Variants in PAG1 observed in about 807,000 individuals in gnomAD.
PAG1 encodes the protein phosphoprotein membrane anchor with glycosphingolipid microdomains 1.
In PAG1, 23 loss-of-function variants were observed where a neutral mutation model predicts 31.7. The ratio of observed to expected loss-of-function variants is 0.73; its 90% CI spans 0.52 to 1.03. PAG1 has a LOEUF of 1.03. Among genes scored for constraint, PAG1 ranks in the 50% least tolerant of loss-of-function variants. The pLI is 0.00. For missense variants in PAG1, 473 were observed against 540.7 expected, an observed-to-expected ratio of 0.87 and a Z score of 1.24; for synonymous variants, 214 against 210.3, an observed-to-expected ratio of 1.02 and a Z score of -0.15.
At chr8:81,032,967 A>G (rs1178060914) in intron 2 of PAG1, among the ~76,000 whole-genome samples, 1 of 152,234 alleles carries the variant, frequency 6.6e-6, no homozygotes, top group Non-Finnish European at 1.5e-5. Flanking sequence ...CCAGTCACAA[A>G]AAAATATTAT....
In PAG1 at chr8:80,993,196, C is replaced by A; in HGVS notation, c.32G>T (p.Gly11Val). 1 of 1,612,656 alleles carries A rather than the reference C, an allele frequency of 6.2e-7. No individual in the cohort carries two copies. Among genetic ancestry groups the A allele is most frequent in the Non-Finnish European group, 8.5e-7 (1 of 1,179,530 alleles). MGPAGSLLGS[G>V]QMQITLWGSL... ...TCCCCACAGGGTGATCTGCATCTGT[C>A]CGCTGCCCAGCAGGCTCCCCGCGGG... Residue 11 changes from glycine (G) to valine (V), a missense_variant, in exon 4 of 9, where the codon GGA becomes GTA. Gly to Val is a moderately radical substitution (Grantham distance 109). Coordinates refer to ENST00000220597, the MANE Select transcript of PAG1 (RefSeq NM_018440.4).
At position 80,974,403 on chromosome 8, in the gene PAG1, T is replaced by C. The variant is rs1807142388; in HGVS notation, c.*2141A>G. 6.6e-6 allele frequency: 1 copy of C among 152,220 alleles called. No homozygotes were observed. Among genetic ancestry groups the C allele is most frequent in the African/African-American group, 2.4e-5 (1 of 41,458 alleles). 9.4% of individuals were successfully genotyped at this position (152,220 alleles called of 1,614,324 possible). On this transcript the variant is annotated 3_prime_UTR_variant, in exon 9 of 9. Transcript: ENST00000220597. ...AAATCATCCAGCAAAGCAGTGCTTA[T>C]GAGAGACTAGAATTCAGAGAAATGC... is the stretch of plus-strand genomic sequence containing the variant.
At chr8:81,107,330 C>A (rs1252907284) in intron 1 of PAG1, among the ~76,000 whole-genome samples, 1 of 152,106 alleles carries the variant, frequency 6.6e-6, no homozygotes, top group East Asian at 1.9e-4. Flanking sequence ...GGGGACCAAG[C>A]AAGATAGTAT....
intron 2 of PAG1, among the ~76,000 whole-genome samples, chr8:81,043,180 C>T (rs769222588): frequency 3.3e-5 from 5 of 152,092 alleles, no homozygotes; most frequent in African/African-American, 4.8e-5. Flanking sequence ...TCACCACATT[C>T]GCCCACTGGT....
At chr8:80,996,207 G>C (rs1276665658) in intron 3 of PAG1, among the ~76,000 whole-genome samples, 1 of 152,228 alleles carries the variant, frequency 6.6e-6, no homozygotes, top group Non-Finnish European at 1.5e-5. Context: ...CGTGGTCGTG[G>C]GCAGTGCTGG....
chr8:81,098,415 A>C (rs993298007), intron 1 of PAG1, among the ~76,000 whole-genome samples: 1 of 152,138 alleles, frequency 6.6e-6, no homozygotes, highest in African/African-American at 2.4e-5. Context: ...AACTCTAAAT[A>C]TCTTTCCTTA....
intron 1 of PAG1, among the ~76,000 whole-genome samples, chr8:81,094,067 G>A (rs1209987965): frequency 1.3e-5 from 2 of 152,180 alleles, no homozygotes; most frequent in African/African-American, 2.4e-5. Flanking sequence ...GGCTCACTGC[G>A]GTTCTCCCCA....
At chr8:81,038,803 T>G (rs1005801826) in intron 2 of PAG1, among the ~76,000 whole-genome samples, 2 of 152,138 alleles carry the variant, frequency 1.3e-5, no homozygotes, top group African/African-American at 4.8e-5. Flanking sequence ...TAGGGTGGTT[T>G]TAAGAGATGC....
chr8:81,080,233 C>T (rs1809243600), intron 1 of PAG1, among the ~76,000 whole-genome samples: 1 of 152,006 alleles, frequency 6.6e-6, no homozygotes, highest in Admixed American at 6.6e-5. Flanking sequence ...TTCATGTATG[C>T]CTATTTCGTT....
intron 1 of PAG1, among the ~76,000 whole-genome samples, chr8:81,077,711 A>G (rs971210836): frequency 6.6e-6 from 1 of 152,272 alleles, no homozygotes; most frequent in Admixed American, 6.5e-5. Context: ...CCTTAAAAAC[A>G]GCAGAGATTA....
chr8:81,063,671 G>A (rs989509000), intron 2 of PAG1, among the ~76,000 whole-genome samples: 1 of 152,114 alleles, frequency 6.6e-6, no homozygotes, highest in Non-Finnish European at 1.5e-5. Context: ...GGTGTTTCAC[G>A]AAAAGGTCAT....
intron 3 of PAG1, among the ~76,000 whole-genome samples, chr8:81,028,753 C>A (rs12676749): frequency 0.049 from 7,441 of 152,272 alleles, 190 homozygotes; most frequent in East Asian, 0.097. Context: ...CCATTCTGTA[C>A]GCACAGCACA....
intron 3 of PAG1, among the ~76,000 whole-genome samples, chr8:81,015,700 A>C (rs1360851624): frequency 2.6e-5 from 4 of 152,212 alleles, no homozygotes; most frequent in Admixed American, 1.3e-4. Context: ...ACCTAGAAAA[A>C]TCAAGTTATA....
intron 3 of PAG1, among the ~76,000 whole-genome samples, chr8:81,003,610 G>A (rs1586158589): frequency 1.3e-5 from 2 of 152,140 alleles, no homozygotes; most frequent in South Asian, 2.1e-4. Flanking sequence ...CCACTGAATT[G>A]CTGTGTGGCC....
intron 3 of PAG1, among the ~76,000 whole-genome samples, chr8:81,004,179 C>A (rs1165069495): frequency 6.6e-6 from 1 of 152,180 alleles, no homozygotes; most frequent in African/African-American, 2.4e-5. Context: ...AAAGAAAACA[C>A]TTCTCCTGAA....
At chr8:81,053,811 T>C (rs1933241218) in intron 2 of PAG1, among the ~76,000 whole-genome samples, 1 of 152,006 alleles carries the variant, frequency 6.6e-6, no homozygotes, top group Admixed American at 6.6e-5. Context: ...CATGAAGAAA[T>C]TTGGTGGGTG....
intron 1 of PAG1, among the ~76,000 whole-genome samples, chr8:81,102,084 G>A (rs944304333): frequency 2.0e-5 from 3 of 152,236 alleles, no homozygotes; most frequent in African/African-American, 7.2e-5. Context: ...TGGGATACAT[G>A]AGGCATGAAA....
chr8:81,101,813 T>C (rs981975159), intron 1 of PAG1, among the ~76,000 whole-genome samples: 2 of 152,090 alleles, frequency 1.3e-5, no homozygotes, highest in Non-Finnish European at 2.9e-5. Context: ...TGTTCTATCA[T>C]GTCAAGTATA....
Position 80,990,485 on chromosome 8 carries a change from T to A in PAG1, c.177+994A>T, listed in dbSNP as rs1807517640. On this transcript the variant is annotated intron_variant, in intron 5 of 8. Transcript: ENST00000220597. The surrounding 1 kb of genome is among the most constrained non-coding windows in gnomAD (Gnocchi z 5.1). ...GAAATGATGTCCTGAACAAGAAGCA[T>A]CTTCTGTCTTAGCACTGCCACAGGA... Among the ~76,000 whole-genome samples the A allele has an allele frequency of 6.6e-6, 1 of 152,276 alleles. No individual in the cohort carries two copies. The highest frequency in any genetic ancestry group is 2.1e-4 in the South Asian group (1 of 4,832).
Sources: gnomAD v4.1 joint callset for allele counts (sites outside exome capture counted in the v4.1 genomes callset) on GRCh38, gnomAD v4.1.1 for gene constraint, Gnocchi (gnomAD v3.1) non-coding constraint, MANE v1.5 for transcripts, NCBI Gene and HGNC (gene_info 2026-07-23, HGNC 2026-07-21) for gene names.